MYCT1: variants seen among roughly 807,000 people sequenced by gnomAD.
MYCT1 encodes MYC target 1, also known as myc target protein 1.
MYCT1 carries 12 observed loss-of-function variants against 15.0 expected under a neutral mutation model. The ratio of observed to expected loss-of-function variants is 0.80; its 90% CI spans 0.51 to 1.29. The LOEUF (loss-of-function observed/expected upper bound fraction) is 1.29, where lower values mean the gene tolerates loss of function less well. Ranked by LOEUF, MYCT1 falls within the 50% of genes most tolerant of loss-of-function variation. MYCT1 has a pLI of 0.00. For synonymous variants in MYCT1, 104 were observed against 102.7 expected, an observed-to-expected ratio of 1.01 and a Z score of -0.07; for missense variants, 287 against 279.1, an observed-to-expected ratio of 1.03 and a Z score of -0.20.
At chr6:152,740,510 C>A in the MYCT1 span, among the ~76,000 whole-genome samples, 11 of 152,042 alleles carry the variant, frequency 7.2e-5, no homozygotes, top group Non-Finnish European at 1.3e-4. Flanking sequence ...AGACATTGTA[C>A]AAAAATAGAA....
chr6:152,706,215 G>A (rs112021505), intron 1 of MYCT1: 9 of 782,504 alleles, frequency 1.2e-5, no homozygotes, highest in South Asian at 5.5e-5. Flanking sequence ...AGAGAAGTCA[G>A]TTGGAGAAAA....
In MYCT1 at chr6:152,721,947, A is replaced by C. The variant is rs1216525718; in HGVS notation, c.402A>C (p.Arg134=). 1 of 1,614,160 alleles carries C rather than the reference A, an allele frequency of 6.2e-7. No individual in the cohort carries two copies. The highest frequency in any genetic ancestry group is 1.7e-5 in the Admixed American group (1 of 60,020). The change falls in exon 2 of 2, where the codon CGA becomes CGC. Residue 134 remains arginine, a synonymous_variant. Coordinates refer to ENST00000367245, the MANE Select transcript of MYCT1 (RefSeq NM_025107.3). ...ACCGCCACAGTGGCTGTGAACGTCG[A>C]AGCAACCTCAGCCTGGCCAGTCTCA... The part of the protein sequence containing the change: ...GFYRHSGCER[R]SNLSLASLTF...
Position 152,721,719 on chromosome 6 carries a change from G to A in MYCT1, c.197-23G>A, listed in dbSNP as rs560058392. ...GAAAACCTATTTAAAAATTGATTTA[G>A]CAATTTGTTTTCTTTGTTTCAGAGG... On this transcript the variant is annotated intron_variant, in intron 1 of 1. Coordinates refer to ENST00000367245, the MANE Select transcript of MYCT1 (RefSeq NM_025107.3). 12 of 1,589,070 alleles carry A rather than the reference G, an allele frequency of 7.6e-6. No homozygotes were observed. The South Asian group carries it at 1.1e-4, about 15-fold the overall frequency.
At chr6:152,720,773 G>A (rs1228789340) in intron 1 of MYCT1, among the ~76,000 whole-genome samples, 1 of 152,102 alleles carries the variant, frequency 6.6e-6, no homozygotes, top group Admixed American at 6.5e-5. Flanking sequence ...GGGACAAGGG[G>A]TTTGATCATG....
At chr6:152,742,018 G>A in the MYCT1 span, among the ~76,000 whole-genome samples, 1 of 152,176 alleles carries the variant, frequency 6.6e-6, no homozygotes, top group African/African-American at 2.4e-5. Flanking sequence ...ACCAAATAGA[G>A]TTGAAATAAG....
At chr6:152,739,039 A>G in the MYCT1 span, among the ~76,000 whole-genome samples, 3 of 152,130 alleles carry the variant, frequency 2.0e-5, no homozygotes, top group East Asian at 5.8e-4. Context: ...CAATGGCATC[A>G]TCCAAAATAC....
At chr6:152,737,156 T>C in the MYCT1 span, among the ~76,000 whole-genome samples, 3,924 of 152,162 alleles carry the variant, frequency 0.026, 174 homozygotes, top group African/African-American at 0.09. Flanking sequence ...AACAATATAC[T>C]AAGATAAATT....
intron 1 of MYCT1, among the ~76,000 whole-genome samples, chr6:152,719,965 C>A (rs1426347041): frequency 1.3e-5 from 2 of 152,116 alleles, no homozygotes; most frequent in Admixed American, 1.3e-4. Context: ...TAACAATCCA[C>A]CCCCAAACAT....
Position 152,722,236 on chromosome 6 carries a change from G to T in MYCT1, c.691G>T (p.Ala231Ser). The change falls in exon 2 of 2, where the codon GCA becomes TCA. Residue 231 changes from alanine (A) to serine (S), a missense_variant. Physicochemically the swap from Ala to Ser is moderately conservative, Grantham distance 99. Coordinates refer to ENST00000367245, the MANE Select transcript of MYCT1 (RefSeq NM_025107.3). ...PPPAYESIIK[A>S]FPDS ...ACCTGCCTATGAGTCCATCATCAAG[G>T]CATTCCCAGATTCCTGAGTAGGGTG... The T allele has an allele frequency of 6.2e-7, 1 of 1,611,158 alleles. No individual in the cohort carries two copies. Among genetic ancestry groups the T allele is most frequent in the Middle Eastern group, 1.7e-4 (1 of 6,040 alleles).
At chr6:152,742,052 G>A in the MYCT1 span, among the ~76,000 whole-genome samples, 1 of 152,128 alleles carries the variant, frequency 6.6e-6, no homozygotes, top group African/African-American at 2.4e-5. Flanking sequence ...TCATTCACTC[G>A]CTCATCTGAA....
chr6:152,719,399 T>C (rs1248681641), intron 1 of MYCT1, among the ~76,000 whole-genome samples: 1 of 152,256 alleles, frequency 6.6e-6, no homozygotes, highest in Non-Finnish European at 1.5e-5. Context: ...TGAATTAAGA[T>C]GCTTTGGTCT....
the MYCT1 span, among the ~76,000 whole-genome samples, chr6:152,741,113 A>G: frequency 6.6e-6 from 1 of 152,180 alleles, no homozygotes; most frequent in African/African-American, 2.4e-5. Context: ...AAGAAAAAAA[A>G]TCCCAACTTT....
intron 1 of MYCT1, among the ~76,000 whole-genome samples, chr6:152,704,371 T>A (rs998964636): frequency 2.0e-5 from 3 of 152,188 alleles, no homozygotes; most frequent in African/African-American, 7.2e-5. Flanking sequence ...TGTAAGGCTA[T>A]TGCTGAGATC....
At chr6:152,744,566 G>T in the MYCT1 span, among the ~76,000 whole-genome samples, 1 of 152,210 alleles carries the variant, frequency 6.6e-6, no homozygotes, top group Admixed American at 6.5e-5. Flanking sequence ...GGAGCCGTTG[G>T]CCCCTCTAGG....
the MYCT1 span, among the ~76,000 whole-genome samples, chr6:152,734,512 T>C: frequency 6.6e-6 from 1 of 152,198 alleles, no homozygotes; most frequent in Non-Finnish European, 1.5e-5. Flanking sequence ...TGAGCAGTAT[T>C]CTTTCTGGGT....
chr6:152,744,321 C>T, the MYCT1 span, among the ~76,000 whole-genome samples: 1 of 152,136 alleles, frequency 6.6e-6, no homozygotes, highest in Non-Finnish European at 1.5e-5. Flanking sequence ...GTTCTTCCAA[C>T]TCAAATGAAA....
the MYCT1 span, among the ~76,000 whole-genome samples, chr6:152,732,555 G>T: frequency 2.0e-5 from 3 of 152,116 alleles, no homozygotes; most frequent in Non-Finnish European, 4.4e-5. Context: ...TATTTACATG[G>T]GAAAAACTTT....
the MYCT1 span, among the ~76,000 whole-genome samples, chr6:152,737,832 T>C: frequency 8.8e-4 from 134 of 152,272 alleles, 3 homozygotes; most frequent in African/African-American, 3.2e-3. Context: ...CTTCATTTAG[T>C]CAATGACTGT....
chr6:152,741,239 A>G, the MYCT1 span, among the ~76,000 whole-genome samples: 1 of 152,296 alleles, frequency 6.6e-6, no homozygotes, highest in South Asian at 2.1e-4. Context: ...TTTTGAGTGA[A>G]GTGAAGATTT....
Sources: gnomAD v4.1 joint callset for allele counts (sites outside exome capture counted in the v4.1 genomes callset) on GRCh38, gnomAD v4.1.1 for gene constraint, MANE v1.5 for transcripts, NCBI Gene and HGNC (gene_info 2026-07-23, HGNC 2026-07-21) for gene names.